The following EPHA3 variants were observed in gnomAD, a reference collection of about 807,000 sequenced individuals.
EPHA3 encodes ephrin type-A receptor 3.
EPHA3 carries 42 observed loss-of-function variants against 107.1 expected under a neutral mutation model. The ratio of observed to expected loss-of-function variants is 0.39; its 90% confidence interval spans 0.31 to 0.51. The LOEUF (loss-of-function observed/expected upper bound fraction) is 0.51, where lower values mean the gene tolerates loss of function less well. EPHA3 is among the 20% of genes least tolerant of loss of function. EPHA3 has a pLI of 0.78. For synonymous variants in EPHA3, 461 were observed against 424.8 expected (o/e 1.09, Z -1.05); for missense variants, 1,183 against 1,211.2 (o/e 0.98, Z 0.35).
At chr3:89,255,922 A>ATAAG (rs1393208625) in intron 3 of EPHA3, among the ~76,000 whole-genome samples, 6 of 151,576 alleles carry the variant, frequency 4.0e-5, no homozygotes, top group African/African-American at 1.5e-4. Flanking sequence ...AAATAAATAA[A>ATAAG]TAAATAAAAA....
At chr3:89,153,917 G>T (rs924685927) in intron 2 of EPHA3, among the ~76,000 whole-genome samples, 2 of 151,950 alleles carry the variant, frequency 1.3e-5, no homozygotes, top group African/African-American at 4.8e-5. Flanking sequence ...TCCTTACACT[G>T]TTCCATCCTT....
At position 89,219,703 on chromosome 3, in the gene EPHA3, G is replaced by GTT. The variant is rs796857390; in HGVS notation, c.814+9188_814+9189dup. ...ATTTGGCAATGTTTTTTTTTTTTTT[G>GTT]TTTTTTGTTTTTTTTTTTTTTTTGA... On this transcript the variant is annotated intron_variant, in intron 3 of 16. Transcript: ENST00000336596. Among the ~76,000 whole-genome samples, 93 of 26,216 alleles carry GTT rather than the reference G, an allele frequency of 3.5e-3. 2 individuals are homozygous for GTT. Among genetic ancestry groups the GTT allele is most frequent in the Non-Finnish European group, 4.3e-3 (60 of 14,002 alleles). The allele number at this position is 26,216 out of a possible 152,430, so 17.2% of individuals were successfully genotyped here.
At chr3:89,367,078 C>G (rs1157361947) in intron 5 of EPHA3, among the ~76,000 whole-genome samples, 1 of 150,678 alleles carries the variant, frequency 6.6e-6, no homozygotes, top group East Asian at 2.0e-4. Flanking sequence ...TCCACCTCAT[C>G]TGTTTTACAA....
intron 6 of EPHA3, among the ~76,000 whole-genome samples, chr3:89,397,348 T>C (rs1276753619): frequency 6.6e-6 from 1 of 152,152 alleles, no homozygotes; most frequent in Non-Finnish European, 1.5e-5. Context: ...TGTGACAAGA[T>C]AGAATGGGCA....
intron 3 of EPHA3, among the ~76,000 whole-genome samples, chr3:89,324,015 C>T (rs891284781): frequency 6.6e-5 from 10 of 151,938 alleles, no homozygotes; most frequent in Non-Finnish European, 1.3e-4. Flanking sequence ...CAAATGCTAA[C>T]TTGGCATTTC....
intron 2 of EPHA3, among the ~76,000 whole-genome samples, chr3:89,204,608 A>ATGTGTG (rs71621535): frequency 0.056 from 8,276 of 148,468 alleles, 341 homozygotes; most frequent in African/African-American, 0.12. Context: ...CTGTGTGTAA[A>ATGTGTG]TGTGTGTGTG....
chr3:89,338,669 C>T (rs576767537), intron 3 of EPHA3, among the ~76,000 whole-genome samples: 2 of 152,340 alleles, frequency 1.3e-5, no homozygotes, highest in African/African-American at 2.4e-5. Flanking sequence ...CTGCCTCAGC[C>T]TCCCGAGTAG....
At position 89,365,750 on chromosome 3, in the gene EPHA3, G is replaced by A. The variant is rs1015576062; in HGVS notation, c.1306+23660G>A. On this transcript the variant is annotated intron_variant, in intron 5 of 16. Coordinates refer to ENST00000336596, the MANE Select transcript of EPHA3 (RefSeq NM_005233.6). Reference sequence around the variant, plus strand: ...AGTAGAGAGGAATAGAGGACAAAGCGGTATGACTGTCCTCATGTCCTTGAA... The same window carrying A: ...AGTAGAGAGGAATAGAGGACAAAGCAGTATGACTGTCCTCATGTCCTTGAA... 6.0e-5 allele frequency among the ~76,000 whole-genome samples: 9 copies of A among 150,534 alleles called. 1 individual carries two copies. Among genetic ancestry groups the A allele is most frequent in the African/African-American group, 1.2e-4 (5 of 41,246 alleles).
intron 2 of EPHA3, among the ~76,000 whole-genome samples, chr3:89,150,107 A>G (rs936729970): frequency 6.6e-6 from 1 of 151,964 alleles, no homozygotes; most frequent in African/African-American, 2.4e-5. Flanking sequence ...TGGATGGGAA[A>G]GTATATGATT....
intron 2 of EPHA3, among the ~76,000 whole-genome samples, chr3:89,148,078 G>GA (rs941297633): frequency 4.6e-5 from 7 of 151,808 alleles, no homozygotes; most frequent in African/African-American, 9.7e-5. Flanking sequence ...GATTTTTAGG[G>GA]AAAAAATGCA....
At chr3:89,426,054 C>T (rs1017612819) in intron 11 of EPHA3, among the ~76,000 whole-genome samples, 1 of 151,678 alleles carries the variant, frequency 6.6e-6, no homozygotes, top group African/African-American at 2.4e-5. Flanking sequence ...TTGATGGTTT[C>T]ATTTCAGCAA....
intron 2 of EPHA3, among the ~76,000 whole-genome samples, chr3:89,141,469 T>G (rs1005588021): frequency 6.6e-6 from 1 of 151,578 alleles, no homozygotes; most frequent in African/African-American, 2.4e-5. Context: ...ATATTGTGAT[T>G]GATGATAACT....
At chr3:89,351,876 C>T (rs1366714779) in intron 5 of EPHA3, among the ~76,000 whole-genome samples, 1 of 149,238 alleles carries the variant, frequency 6.7e-6, no homozygotes, top group Admixed American at 6.7e-5. Context: ...TAATATAGTT[C>T]CCATCCATAA....
At chr3:89,289,722 G>A (rs548607287) in intron 3 of EPHA3, among the ~76,000 whole-genome samples, 3 of 152,150 alleles carry the variant, frequency 2.0e-5, no homozygotes, top group South Asian at 4.2e-4. Flanking sequence ...CATGCAAGGG[G>A]TGACAGAGAG....
intron 5 of EPHA3, among the ~76,000 whole-genome samples, chr3:89,363,912 C>T (rs926718188): frequency 6.6e-6 from 1 of 150,546 alleles, no homozygotes; most frequent in Non-Finnish European, 1.5e-5. Flanking sequence ...GAAAGTGTCC[C>T]CTCCCCTATT....
intron 3 of EPHA3, among the ~76,000 whole-genome samples, chr3:89,315,020 AAAT>A (rs1304681632): frequency 1.3e-4 from 19 of 151,862 alleles, no homozygotes; most frequent in Non-Finnish European, 2.7e-4. Context: ...AGTGTTAAGG[AAAT>A]AATAACACAC....
intron 5 of EPHA3, among the ~76,000 whole-genome samples, chr3:89,390,309 G>A (rs1430356251): frequency 2.0e-5 from 3 of 152,042 alleles, no homozygotes; most frequent in Non-Finnish European, 4.4e-5. Flanking sequence ...TGTTAAGAGT[G>A]GTACTTTGGC....
intron 2 of EPHA3, among the ~76,000 whole-genome samples, chr3:89,160,302 T>C (rs745658885): frequency 6.6e-6 from 1 of 152,064 alleles, no homozygotes; most frequent in Non-Finnish European, 1.5e-5. Context: ...AAAAGGGATA[T>C]GAAAAGATAG....
intron 13 of EPHA3, among the ~76,000 whole-genome samples, chr3:89,441,090 G>A (rs1709773781): frequency 6.6e-6 from 1 of 152,142 alleles, no homozygotes; most frequent in African/African-American, 2.4e-5. Context: ...GTGCAGAGAG[G>A]TTAAGACACC....
Sources: gnomAD v4.1 joint callset for allele counts (sites outside exome capture counted in the v4.1 genomes callset) on GRCh38, gnomAD v4.1.1 for gene constraint, MANE v1.5 for transcripts, NCBI Gene and HGNC (gene_info 2026-07-23, HGNC 2026-07-21) for gene names.